ADAM12: variants seen among roughly 807,000 people sequenced by gnomAD.
The protein encoded by ADAM12 is ADAM metallopeptidase domain 12.
Under a neutral mutation model 106.4 loss-of-function variants are expected in ADAM12, and 70 were observed. The observed-to-expected ratio is 0.66, with a 90% confidence interval of 0.54 to 0.80. The LOEUF (loss-of-function observed/expected upper bound fraction) is 0.80. Ranked by LOEUF, ADAM12 falls within the 30% of genes least tolerant of loss-of-function variation. The pLI, the probability that ADAM12 is intolerant of heterozygous loss-of-function variation, is 0.00. For synonymous variants in ADAM12, 420 were observed against 433.5 expected (o/e 0.97, Z 0.39); for missense variants, 1,010 against 1,171.9 (o/e 0.86, Z 2.02).
intron 8 of ADAM12, among the ~76,000 whole-genome samples, chr10:126,104,831 T>C (rs1478334645): frequency 2.0e-5 from 3 of 152,188 alleles, no homozygotes; most frequent in African/African-American, 7.2e-5. Flanking sequence ...AAGCAGTTAT[T>C]AAGTTAGAAT....
At chr10:126,071,332 G>T in intron 12 of ADAM12, 145 bp downstream of exon 12, 2 of 903,614 alleles carry the variant, frequency 2.2e-6, no homozygotes, top group Non-Finnish European at 3.4e-6. Flanking sequence ...TAGCTCACGG[G>T]GCTTGTTCAG....
At chr10:126,146,580 T>C (rs1956632403) in intron 4 of ADAM12, among the ~76,000 whole-genome samples, 1 of 152,118 alleles carries the variant, frequency 6.6e-6, no homozygotes, top group Non-Finnish European at 1.5e-5. Context: ...AAAATTGCAA[T>C]TTAGTTCACT....
At chr10:126,301,572 A>G (rs559769844) in intron 2 of ADAM12, among the ~76,000 whole-genome samples, 13 of 152,274 alleles carry the variant, frequency 8.5e-5, no homozygotes, top group South Asian at 6.2e-4. Context: ...AATGAGGAAC[A>G]TGGGGTAAGG....
rs1452121675 is a variant in ADAM12 at position 126,019,704 on chromosome 10, G to A, written c.2651C>T (p.Ala884Val). ...PGQWETGLRL[A>V]PLRPAPQYPH... ...GGCATGTCACACAAACCTGAGGGGT[G>A]CCAGGCGGAGCCCAGTCTCCCATTG... Residue 884 changes from alanine (A) to valine (V), a missense_variant, in exon 22 of 23, where the codon GCA (alanine) becomes GTA (valine). This residue lies in a region of ADAM12 where 615 missense variants were observed against 708.5 expected (regional missense o/e 0.87). Coordinates refer to ENST00000448723, the MANE Select transcript of ADAM12 (RefSeq NM_001288973.2). 3 of 1,613,704 alleles carry A rather than the reference G, an allele frequency of 1.9e-6. No homozygotes were observed. The highest frequency in any genetic ancestry group is 2.7e-5 in the African/African-American group (2 of 74,930).
intron 2 of ADAM12, among the ~76,000 whole-genome samples, chr10:126,285,297 T>G (rs1357382532): frequency 6.6e-6 from 1 of 152,248 alleles, no homozygotes; most frequent in Admixed American, 6.5e-5. Context: ...AGCTTCCTGT[T>G]TCCTCCAAAG....
chr10:126,380,952 A>AT (rs891405333), intron 1 of ADAM12, among the ~76,000 whole-genome samples: 5 of 151,968 alleles, frequency 3.3e-5, no homozygotes, highest in African/African-American at 7.2e-5. Context: ...CTGATACAAA[A>AT]TTTTTTTTCT....
intron 1 of ADAM12, among the ~76,000 whole-genome samples, chr10:126,367,346 T>A (rs1229511784): frequency 6.6e-6 from 1 of 151,930 alleles, no homozygotes; most frequent in Non-Finnish European, 1.5e-5. Flanking sequence ...ATGAAAGAAT[T>A]TTTTAAAATA....
rs1953644482 is a variant in ADAM12 at position 126,015,378 on chromosome 10, T to C, written c.*1901A>G. On this transcript the variant is annotated 3_prime_UTR_variant, in exon 23 of 23. Transcript: ENST00000448723. ...AATGCACCATAAAATTCTGTAAACC[T>C]TTTTAATAGTATATATATGTTTGGC... is the stretch of plus-strand genomic sequence containing the variant. The C allele has an allele frequency of 2.0e-5, 3 of 152,234 alleles. No homozygotes were observed. Among genetic ancestry groups the C allele is most frequent in the Admixed American group, 1.3e-4 (2 of 15,288 alleles). The allele number at this position is 152,234 out of a possible 1,614,324, so 9.4% of individuals were successfully genotyped here. A position where few individuals can be genotyped will look rare whatever the true frequency, so the allele number is the denominator to read the frequency against.
chr10:126,303,189 T>C (rs1246847725), intron 2 of ADAM12, among the ~76,000 whole-genome samples: 2 of 152,352 alleles, frequency 1.3e-5, no homozygotes, highest in East Asian at 3.9e-4. Context: ...CCTTTTTACA[T>C]GCGTAAAATC....
chr10:126,114,851 T>C (rs1384524224), intron 6 of ADAM12, among the ~76,000 whole-genome samples: 1 of 152,180 alleles, frequency 6.6e-6, no homozygotes, highest in Non-Finnish European at 1.5e-5. Context: ...GGATGGTTGT[T>C]AGAGAGGAAT....
chr10:126,201,395 G>A (rs2133820217), intron 3 of ADAM12, among the ~76,000 whole-genome samples: 1 of 152,232 alleles, frequency 6.6e-6, no homozygotes, highest in South Asian at 2.1e-4. Context: ...CAAGTGACAA[G>A]GGAGGCAGAG....
At chr10:126,151,575 T>C (rs903955163) in intron 4 of ADAM12, among the ~76,000 whole-genome samples, 8 of 152,128 alleles carry the variant, frequency 5.3e-5, no homozygotes, top group Non-Finnish European at 1.2e-4. Flanking sequence ...ATTTTGTGCA[T>C]GCTCTTTTTC....
intron 3 of ADAM12, among the ~76,000 whole-genome samples, chr10:126,175,725 C>T (rs573731356): frequency 4.5e-4 from 69 of 152,304 alleles, no homozygotes; most frequent in South Asian, 1.0e-3. Context: ...AGAGTCTGCT[C>T]GTTCCATCGG....
At chr10:126,246,970 TA>T (rs1033442527) in intron 3 of ADAM12, among the ~76,000 whole-genome samples, 4 of 152,218 alleles carry the variant, frequency 2.6e-5, no homozygotes, top group Non-Finnish European at 5.9e-5. Context: ...CATGATTCTA[TA>T]TCTATTTCTA....
chr10:126,049,980 GA>G lies in ADAM12; in HGVS notation c.1610-312del, dbSNP rs1440115696. The stretch of plus-strand genomic sequence containing the variant: ...GTGGAATGAGATCTGATCCAGGGCA[GA>G]AAGGAGGTGGCTGGCTGGCTGGCTG... On this transcript the variant is annotated intron_variant, in intron 14 of 22. Transcript: ENST00000448723. The surrounding 1 kb of genome is among the most constrained non-coding windows in gnomAD (Gnocchi z 4.4). Among the ~76,000 whole-genome samples the G allele has an allele frequency of 6.9e-6, 1 of 145,744 alleles. No homozygotes were observed. The highest frequency in any genetic ancestry group is 1.5e-5 in the Non-Finnish European group (1 of 65,744).
chr10:126,036,712 G>C (rs925377062), intron 20 of ADAM12, among the ~76,000 whole-genome samples: 1 of 152,186 alleles, frequency 6.6e-6, no homozygotes, highest in Admixed American at 6.5e-5. Flanking sequence ...GGCTCAATGA[G>C]AACTGAGAAA....
chr10:126,317,964 T>G (rs1461648730), intron 2 of ADAM12, among the ~76,000 whole-genome samples: 1 of 152,156 alleles, frequency 6.6e-6, no homozygotes, highest in African/African-American at 2.4e-5. Flanking sequence ...ATCTGTTTCT[T>G]TTATAATCTA....
Position 126,079,278 on chromosome 10 carries a change from T to G in ADAM12, c.1146-7624A>C, listed in dbSNP as rs367678967. 2.1e-4 allele frequency among the ~76,000 whole-genome samples: 32 copies of G among 152,232 alleles called. 1 individual carries two copies. The highest frequency in any genetic ancestry group is 7.2e-4 in the African/African-American group (30 of 41,538). On this transcript the variant is annotated intron_variant, in intron 11 of 22. Transcript: ENST00000448723. ...TAGCCATCACTACTAACTGCAGAAC[T>G]TCCCCCCACCCCTCAAACAAACCCC...
intron 3 of ADAM12, among the ~76,000 whole-genome samples, chr10:126,272,376 GT>G (rs1461101699): frequency 1.3e-5 from 2 of 152,208 alleles, no homozygotes; most frequent in African/African-American, 4.8e-5. Context: ...TTAGGCCAAT[GT>G]TTTCCAACAT....
Sources: allele counts gnomAD v4.1 joint callset (sites outside exome capture counted in the v4.1 genomes callset), GRCh38; gene constraint gnomAD v4.1.1; regional missense constraint gnomAD v4.1.1; non-coding constraint Gnocchi (gnomAD v3.1); transcripts MANE v1.5; gene names NCBI Gene and HGNC (gene_info 2026-07-23, HGNC 2026-07-21).